The following ERI2 variants were observed in gnomAD, a reference collection of about 807,000 sequenced individuals.
ERI2 encodes ERI1 exoribonuclease family member 2, also known as ERI1 exoribonuclease 2.
Under a neutral mutation model 46.8 loss-of-function variants are expected in ERI2, and 35 were observed. The ratio of observed to expected loss-of-function variants is 0.75; its 90% CI spans 0.57 to 0.99. ERI2 has a LOEUF of 0.99. Ranked by LOEUF, ERI2 falls within the 50% of genes least tolerant of loss-of-function variation. The pLI is 0.00. For missense variants in ERI2, 695 were observed against 796.2 expected (o/e 0.87, Z 1.53); for synonymous variants, 224 against 271.0 (o/e 0.83, Z 1.70).
At chr16:20,789,374 C>T (rs1394794939) in intron 10 of ERI2, 8 of 824,302 alleles carry the variant, frequency 9.7e-6, no homozygotes, top group African/African-American at 1.7e-5. Flanking sequence ...GCATTAATTA[C>T]TTAGCATGTA....
At position 20,790,957 on chromosome 16, in the gene ERI2, A is replaced by G; in HGVS notation, c.733-25T>C. The stretch of plus-strand genomic sequence containing the variant: ...CCTAGAAAGAGGACAGCCTCTTAAC[A>G]TCCCCTGATCCTCTCAATTATCAAA... On this transcript the variant is annotated intron_variant, in intron 8 of 10. Coordinates refer to the ERI2 transcript ENST00000300005. The surrounding 1 kb of genome is among the most constrained non-coding windows in gnomAD (Gnocchi z 4.0). 6.3e-7 allele frequency: 1 copy of G among 1,599,812 alleles called. No individual in the cohort carries two copies. Among genetic ancestry groups the G allele is most frequent in the African/African-American group, 1.4e-5 (1 of 73,900 alleles).
rs769694725 is a variant in ERI2, at chr16:20,803,611, CTTCTTCCGAGAT to C, written c.71_82del (p.Asn24_Arg27del). On this transcript the variant is annotated inframe_deletion, in exon 2 of 9. Coordinates refer to ENST00000357967, the MANE Select transcript of ERI2 (RefSeq NM_001142725.2). ...CTAAGCATACTACTCACTGGATTTG[CTTCTTCCGAGAT>C]TTCCATTTGCTGGCGCAATTGACTT... The C allele has an allele frequency of 6.2e-7, 1 of 1,614,172 alleles. No homozygotes were observed. Among genetic ancestry groups the C allele is most frequent in the Non-Finnish European group, 8.5e-7 (1 of 1,180,014 alleles).
In ERI2 at chr16:20,796,809, A is replaced by G; in HGVS notation, c.*915T>C. On this transcript the variant is annotated 3_prime_UTR_variant, in exon 9 of 9. Coordinates refer to ENST00000357967, the MANE Select transcript of ERI2 (RefSeq NM_001142725.2). ...TCTAATTCTTCCACCTAGAATTCAT[A>G]ATCAAACTGCTATATAATTGGCTTT... 5 of 1,585,356 alleles carry G rather than the reference A, an allele frequency of 3.2e-6. No individual in the cohort carries two copies. Among genetic ancestry groups the G allele is most frequent in the Non-Finnish European group, 4.3e-6 (5 of 1,171,098 alleles).
rs2152495752 is a variant in ERI2, at chr16:20,802,853, T to C, written c.246A>G (p.Gln82=). The change falls in exon 4 of 9, where the codon CAA becomes CAG. Residue 82 remains glutamine (Q), a synonymous_variant. Coordinates refer to ENST00000357967, the MANE Select transcript of ERI2 (RefSeq NM_001142725.2). ...CTGAAAGAATTGGATGTTCCTGAGG[T>C]TGAACATAAGCCTGGAACTCAGAGT... ...QIDSEFQAYV[Q]PQEHPILSEF... is the part of the protein sequence containing the mutation. The C allele has an allele frequency of 6.2e-7, 1 of 1,611,738 alleles. No homozygotes were observed.
chr16:20,797,812 C>T lies in ERI2; in HGVS notation c.1988G>A (p.Ser663Asn), dbSNP rs1471784358. 7 of 1,551,420 alleles carry T rather than the reference C, an allele frequency of 4.5e-6. No individual in the cohort carries two copies. Among genetic ancestry groups the T allele is most frequent in the African/African-American group, 1.4e-5 (1 of 73,144 alleles). ...PSHSTGGLTFSSPETSHICDR... is the reference protein window; with the variant it reads ...PSHSTGGLTFNSPETSHICDR... Reference sequence around the variant, plus strand: ...ACAAATATGGCTTGTTTCTGGAGAACTAAAAGTGAGTCCCCCTGTGGAATG... The same window carrying T: ...ACAAATATGGCTTGTTTCTGGAGAATTAAAAGTGAGTCCCCCTGTGGAATG... Residue 663 changes from serine (S) to asparagine (N), a missense_variant, in exon 9 of 9, where the codon AGT (serine) becomes AAT (asparagine). Ser to Asn is a conservative substitution (Grantham distance 46). Transcript: ENST00000357967.
chr16:20,784,780 A>G (rs533330757), intron 10 of ERI2, among the ~76,000 whole-genome samples: 41 of 152,298 alleles, frequency 2.7e-4, no homozygotes, highest in African/African-American at 9.4e-4. Context: ...AGAATGATTT[A>G]TCTTTTTAAT....
rs749398336 is a variant in ERI2, at chr16:20,802,858, C to A, written c.241G>T (p.Val81Phe). 1 of 1,611,418 alleles carries A rather than the reference C, an allele frequency of 6.2e-7. No individual in the cohort carries two copies. The highest frequency in any genetic ancestry group is 1.3e-5 in the African/African-American group (1 of 74,896). The change falls in exon 4 of 9, where the codon GTT becomes TTT. Residue 81 changes from valine (V) to phenylalanine (F), a missense_variant. By Grantham distance (50) the Val-to-Phe change is conservative (BLOSUM62 -1). Coordinates refer to ENST00000357967, the MANE Select transcript of ERI2 (RefSeq NM_001142725.2). Reference sequence around the variant, plus strand: ...AGAATTGGATGTTCCTGAGGTTGAACATAAGCCTGGAACTCAGAGTCAATC... The same window carrying A: ...AGAATTGGATGTTCCTGAGGTTGAAAATAAGCCTGGAACTCAGAGTCAATC... ...GQIDSEFQAY[V>F]QPQEHPILSE...
At position 20,799,797 on chromosome 16, in the gene ERI2, T is replaced by A. The variant is rs16970680; in HGVS notation, c.643+160A>T. On this transcript the variant is annotated intron_variant, in intron 7 of 8. Coordinates refer to ENST00000357967, the MANE Select transcript of ERI2 (RefSeq NM_001142725.2). ...ATCTTACAATAGTTTATGAAAGTGG[T>A]AATTTGAAAGTCTTAGAAACAATGT... is the stretch of plus-strand genomic sequence containing the variant. The A allele has an allele frequency of 9.0e-3, 4,742 of 526,296 alleles. 183 individuals carry two copies. Among genetic ancestry groups the A allele is most frequent in the African/African-American group, 0.083 (4,244 of 51,298 alleles). The allele number at this position is 526,296 out of a possible 1,614,324, so 32.6% of individuals were successfully genotyped here.
At chr16:20,787,864 T>C (rs1187436273) in intron 10 of ERI2, among the ~76,000 whole-genome samples, 2 of 152,204 alleles carry the variant, frequency 1.3e-5, no homozygotes, top group South Asian at 2.1e-4. Context: ...CTGGGACTTA[T>C]CTGGTTTTAG....
chr16:20,793,980 G>A (rs918837650), downstream of ERI2, among the ~76,000 whole-genome samples: 15 of 152,190 alleles, frequency 9.9e-5, no homozygotes, highest in African/African-American at 3.6e-4. Flanking sequence ...ACAGCTCCGG[G>A]GGCTTGGCAT....
intron 10 of ERI2, among the ~76,000 whole-genome samples, chr16:20,786,878 A>G (rs1267957298): frequency 6.6e-6 from 1 of 152,138 alleles, no homozygotes; most frequent in African/African-American, 2.4e-5. Flanking sequence ...CCACAACACA[A>G]CACTGGTCCT....
In ERI2 at chr16:20,790,973, A is replaced by C. The variant is rs1298657756; in HGVS notation, c.733-41T>G. The C allele has an allele frequency of 6.3e-7, 1 of 1,589,384 alleles. No homozygotes were observed. The highest frequency in any genetic ancestry group is 1.9e-5 in the Admixed American group (1 of 53,980). On this transcript the variant is annotated intron_variant, in intron 8 of 10. Transcript: ENST00000300005. The surrounding 1 kb of genome is among the most constrained non-coding windows in gnomAD (Gnocchi z 4.0). ...CCTCTTAACATCCCCTGATCCTCTC[A>C]ATTATCAAACAAAACCCACTCATTT...
At chr16:20,794,947 C>A (rs991275156), downstream of ERI2, among the ~76,000 whole-genome samples, 1 of 152,190 alleles carries the variant, frequency 6.6e-6, no homozygotes, top group African/African-American at 2.4e-5. Context: ...TTGTAGAAAT[C>A]GTCAATATGT....
intron 10 of ERI2, among the ~76,000 whole-genome samples, chr16:20,785,275 A>T (rs1207888743): frequency 6.6e-6 from 1 of 152,252 alleles, no homozygotes; most frequent in Non-Finnish European, 1.5e-5. Context: ...AAGCTCTGTT[A>T]ACAGATAGTT....
In ERI2 at chr16:20,797,815, AAAGT is replaced by A. The variant is rs1340286751; in HGVS notation, c.1981_1984del (p.Thr661LeufsTer14). The A allele has an allele frequency of 6.4e-7, 1 of 1,551,416 alleles. No individual in the cohort carries two copies. Among genetic ancestry groups the A allele is most frequent in the Non-Finnish European group, 8.7e-7 (1 of 1,146,878 alleles). ...AATATGGCTTGTTTCTGGAGAACTA[AAAGT>A]GAGTCCCCCTGTGGAATGAGATGGA... On this transcript the variant is annotated frameshift_variant, in exon 9 of 9. Transcript: ENST00000357967. LOFTEE classifies it high-confidence loss of function.
At chr16:20,795,712 C>T (rs1473149162), downstream of ERI2, among the ~76,000 whole-genome samples, 1 of 152,130 alleles carries the variant, frequency 6.6e-6, no homozygotes, top group African/African-American at 2.4e-5. Flanking sequence ...AGTTGATGCA[C>T]CTAGACTCAT....
intron 4 of ERI2, among the ~76,000 whole-genome samples, chr16:20,801,784 G>A (rs1384642490): frequency 1.3e-5 from 2 of 151,580 alleles, no homozygotes; most frequent in African/African-American, 2.4e-5. Context: ...TTTGAGACGA[G>A]GTCTTGCTTT....
intron 4 of ERI2, among the ~76,000 whole-genome samples, chr16:20,802,294 C>T (rs2080804495): frequency 6.6e-6 from 1 of 151,808 alleles, no homozygotes; most frequent in Non-Finnish European, 1.5e-5. Context: ...GTGAGCCCCG[C>T]CACCTTACTC....
At chr16:20,782,948 A>C (rs2080385147) in intron 10 of ERI2, among the ~76,000 whole-genome samples, 1 of 152,212 alleles carries the variant, frequency 6.6e-6, no homozygotes, top group Admixed American at 6.5e-5. Flanking sequence ...CCTTTCCGGC[A>C]CGTGGTGCTC....
Sources: gnomAD v4.1 joint callset for allele counts (sites outside exome capture counted in the v4.1 genomes callset) on GRCh38, gnomAD v4.1.1 for gene constraint, Gnocchi (gnomAD v3.1) non-coding constraint, MANE v1.5 for transcripts, NCBI Gene and HGNC (gene_info 2026-07-23, HGNC 2026-07-21) for gene names.